CCDC157: variants seen among roughly 807,000 people sequenced by gnomAD.
CCDC157 encodes coiled-coil domain containing 157.
Under a neutral mutation model 70.9 loss-of-function variants are expected in CCDC157, and 60 were observed. That is an observed-to-expected ratio of 0.85 (90% CI 0.69 to 1.05). The LOEUF is 1.05. CCDC157 is among the 50% of genes least tolerant of loss of function. The pLI is 0.00. For synonymous variants in CCDC157, 373 were observed against 422.4 expected (o/e 0.88, Z 1.43); for missense variants, 943 against 984.2 (o/e 0.96, Z 0.56).
At chr22:30,372,308 G>C (rs41304671) in intron 7 of CCDC157, 22 bp downstream of exon 7, 35,785 of 1,511,206 alleles carry the variant, frequency 0.024, 521 homozygotes, top group East Asian at 0.056. Context: ...GCCCTCGCTA[G>C]CCTGGGCATC....
At chr22:30,366,335 CA>C in intron 3 of CCDC157, 87 bp downstream of exon 3, 1 of 1,545,126 alleles carries the variant, frequency 6.5e-7, no homozygotes, top group Non-Finnish European at 8.9e-7. Flanking sequence ...CCTCCAGAGG[CA>C]GGGGTGATGT....
chr22:30,370,797 G>A lies in CCDC157; in HGVS notation c.892G>A (p.Glu298Lys), dbSNP rs763533762. 2.5e-6 allele frequency: 4 copies of A among 1,613,414 alleles called. No homozygotes were observed. The highest frequency in any genetic ancestry group is 3.4e-6 in the Non-Finnish European group (4 of 1,180,024). The change falls in exon 5 of 12, where the codon GAG (glutamate) becomes AAG (lysine). Residue 298 changes from glutamate (E) to lysine (K), a missense_variant. By Grantham distance (56) the Glu-to-Lys change is moderately conservative (BLOSUM62 1). Coordinates refer to ENST00000338306, the MANE Select transcript of CCDC157 (RefSeq NM_001017437.5). ...TGTGGAGGCCCTCAGGGCCCAGCTG[G>A]AGGAGGCTGAAGGGCAGAAGGATGG... ...KHVEALRAQL[E>K]EAEGQKDGLR...
intron 1 of CCDC157, among the ~76,000 whole-genome samples, chr22:30,361,264 A>G (rs1327097932): frequency 2.6e-5 from 4 of 151,096 alleles, no homozygotes; most frequent in Non-Finnish European, 5.9e-5. Context: ...AAAAAAAAAA[A>G]AGAAAAAAGG....
Position 30,363,027 on chromosome 22 carries a change from T to C in CCDC157, c.-12+913T>C, listed in dbSNP as rs147772090. The stretch of plus-strand genomic sequence containing the variant: ...GGAGGTACTTCCTGCTACTGAGAAA[T>C]TCACCAAGGACAAGGGGCCCCTGCT... On this transcript the variant is annotated intron_variant, in intron 2 of 11. Coordinates refer to ENST00000338306, the MANE Select transcript of CCDC157 (RefSeq NM_001017437.5). Among the ~76,000 whole-genome samples the C allele has an allele frequency of 1.4e-4, 22 of 152,156 alleles. No individual in the cohort carries two copies. The East Asian group carries it at 4.1e-3, about 28-fold the overall frequency.
At chr22:30,368,267 CG>C (rs1569186140) in intron 3 of CCDC157, among the ~76,000 whole-genome samples, 1 of 152,176 alleles carries the variant, frequency 6.6e-6, no homozygotes, top group African/African-American at 2.4e-5. Flanking sequence ...TTCCTTTCTC[CG>C]TAACTTTATG....
intron 5 of CCDC157, 160 bp from the exon 6 acceptor site, chr22:30,371,490 C>T: frequency 1.6e-6 from 1 of 629,994 alleles, no homozygotes; most frequent in Non-Finnish European, 2.8e-6. Context: ...TGGGTAAGGG[C>T]CCAGCCGCTT....
At chr22:30,372,658 C>G in intron 7 of CCDC157, 1 of 193,514 alleles carries the variant, frequency 5.2e-6, no homozygotes. Context: ...CCATGACAGG[C>G]AATTAGTCCA....
At chr22:30,375,812 C>T in intron 10 of CCDC157, 149 bp downstream of exon 10, 11 of 696,292 alleles carry the variant, frequency 1.6e-5, no homozygotes, top group Non-Finnish European at 2.6e-5. Context: ...TTCACATTTC[C>T]AGAAGGCGTG....
At chr22:30,358,973 A>G (rs1455395803) in intron 1 of CCDC157, among the ~76,000 whole-genome samples, 1 of 152,148 alleles carries the variant, frequency 6.6e-6, no homozygotes, top group Non-Finnish European at 1.5e-5. Flanking sequence ...GTCATCTTGG[A>G]TTTTCCTGAC....
In CCDC157 at chr22:30,376,788, C is replaced by T. The variant is rs1271685999; in HGVS notation, c.*43C>T. On this transcript the variant is annotated 3_prime_UTR_variant, in exon 12 of 12. Transcript: ENST00000338306. ...AGGCTGGATGGGAGGTGGCTGGCAG[C>T]CCACCCACTGTAATAAAGCCCCAGC... 2.6e-6 allele frequency: 4 copies of T among 1,561,168 alleles called. No individual in the cohort carries two copies. In the African/African-American group the frequency reaches 5.4e-5, roughly 21 times the overall value.
chr22:30,367,516 G>A (rs946213753), intron 3 of CCDC157, among the ~76,000 whole-genome samples: 1 of 152,048 alleles, frequency 6.6e-6, no homozygotes, highest in African/African-American at 2.4e-5. Flanking sequence ...TGGGATTACA[G>A]GCGTGAGCTA....
Position 30,374,771 on chromosome 22 carries a change from G to A in CCDC157, c.1672+680G>A, listed in dbSNP as rs1246133873. ...CCAGAAGGGGCAGCAATTCTCCCGG[G>A]CTCCTGGAGCCAGAAGGAAGCATCC... is the stretch of plus-strand genomic sequence containing the variant. On this transcript the variant is annotated intron_variant, in intron 9 of 11. Coordinates refer to ENST00000338306, the MANE Select transcript of CCDC157 (RefSeq NM_001017437.5). 5 of 455,502 alleles carry A rather than the reference G, an allele frequency of 1.1e-5. No homozygotes were observed. In the Admixed American group the frequency reaches 1.2e-4, roughly 11 times the overall value. 28.2% of individuals were successfully genotyped at this position (455,502 alleles called of 1,614,324 possible).
chr22:30,376,960 A>AG lies in CCDC157; in HGVS notation c.*219dup. On this transcript the variant is annotated 3_prime_UTR_variant, in exon 12 of 12. Coordinates refer to ENST00000338306, the MANE Select transcript of CCDC157 (RefSeq NM_001017437.5). ...CCTGGCACTATGGGCCCTCAGTAAAAGGGGCCTTCCTGCTTCCCTCCCGAC... is the reference window on the plus strand; with the variant it reads ...CCTGGCACTATGGGCCCTCAGTAAAAGGGGGCCTTCCTGCTTCCCTCCCGAC... The AG allele has an allele frequency of 1.7e-6, 1 of 597,474 alleles. No homozygotes were observed. 37.0% of individuals were successfully genotyped at this position (597,474 alleles called of 1,614,324 possible). A position where few individuals can be genotyped will look rare whatever the true frequency, so the allele number is the denominator to read the frequency against.
intron 1 of CCDC157, among the ~76,000 whole-genome samples, chr22:30,360,793 A>G (rs1187049272): frequency 1.3e-5 from 2 of 151,978 alleles, no homozygotes; most frequent in Admixed American, 1.3e-4. Flanking sequence ...CATACCTATA[A>G]TCCCAGCACT....
rs368016774 is a variant in CCDC157 at position 30,366,082 on chromosome 22, G to A, written c.82G>A (p.Val28Ile). 71 of 1,610,892 alleles carry A rather than the reference G, an allele frequency of 4.4e-5. 1 individual carries two copies. In the Middle Eastern group the frequency reaches 2.8e-3, roughly 64 times the overall value. Residue 28 changes from valine to isoleucine, a missense_variant, in exon 3 of 12, where the codon GTC becomes ATC. Coordinates refer to ENST00000338306, the MANE Select transcript of CCDC157 (RefSeq NM_001017437.5). ...LTDLQGAIVD[V>I]FSRAGPVRFP... is the part of the protein sequence containing the mutation. ...CGACCTGCAGGGTGCCATCGTAGAC[G>A]TCTTCTCCCGCGCCGGGCCTGTGCG...
rs147104395 is a variant in CCDC157 at position 30,366,245 on chromosome 22, A to G, written c.245A>G (p.Asp82Gly). The change falls in exon 3 of 12, where the codon GAC (aspartate) becomes GGC (glycine). Residue 82 changes from aspartate (D) to glycine (G), a missense_variant. Coordinates refer to ENST00000338306, the MANE Select transcript of CCDC157 (RefSeq NM_001017437.5). ...SHAVLLELVI[D>G]RLLLLLQSCM... ...GCCGTGCTGCTGGAGCTGGTCATCG[A>G]CAGGTGAGGGCCTTGACCAAGCCTG... 82 of 1,613,630 alleles carry G rather than the reference A, an allele frequency of 5.1e-5. No homozygotes were observed. Among genetic ancestry groups the G allele is most frequent in the Middle Eastern group, 3.3e-4 (2 of 6,084 alleles).
chr22:30,357,151 C>T lies in CCDC157; in HGVS notation c.-166+19C>T. The T allele has an allele frequency of 4.8e-6, 1 of 209,576 alleles. No individual in the cohort carries two copies. Among genetic ancestry groups the T allele is most frequent in the South Asian group, 1.7e-4 (1 of 5,746 alleles). 13.0% of individuals were successfully genotyped at this position (209,576 alleles called of 1,614,324 possible). ...AAGACAGGTGAGATGTTGTACGTCA[C>T]CCGCCGGACCCCCGCCGCACTCACC... is the stretch of plus-strand genomic sequence containing the variant. On this transcript the variant is annotated intron_variant, in intron 1 of 11. Coordinates refer to ENST00000338306, the MANE Select transcript of CCDC157 (RefSeq NM_001017437.5).
chr22:30,359,422 G>T (rs1932175450), intron 1 of CCDC157, among the ~76,000 whole-genome samples: 1 of 152,212 alleles, frequency 6.6e-6, no homozygotes, highest in South Asian at 2.1e-4. Flanking sequence ...CTTACCCCTT[G>T]CGGAGACCCT....
intron 10 of CCDC157, 171 bp downstream of exon 10, chr22:30,375,834 G>A: frequency 1.6e-6 from 1 of 630,588 alleles, no homozygotes; most frequent in Non-Finnish European, 2.7e-6. Flanking sequence ...GGATGTTATG[G>A]ATCCGATGCC....
Sources: allele counts gnomAD v4.1 joint callset (sites outside exome capture counted in the v4.1 genomes callset), GRCh38; gene constraint gnomAD v4.1.1; transcripts MANE v1.5; gene names NCBI Gene and HGNC (gene_info 2026-07-23, HGNC 2026-07-21).